The following CARS1 variants were observed in gnomAD, a reference collection of about 807,000 sequenced individuals.
CARS1 encodes the protein cysteinyl-tRNA synthetase 1, also known as cysteine--tRNA ligase, cytoplasmic.
In CARS1, 48 loss-of-function variants were observed where a neutral mutation model predicts 106.2. The ratio of observed to expected loss-of-function variants is 0.45; its 90% CI spans 0.36 to 0.57. The LOEUF (loss-of-function observed/expected upper bound fraction) is 0.57, where lower values mean the gene tolerates loss of function less well. Among genes scored for constraint, CARS1 ranks in the 20% least tolerant of loss-of-function variants. The pLI, the probability that CARS1 is intolerant of heterozygous loss-of-function variation, is 0.00. For missense variants in CARS1, 968 were observed against 1,057.2 expected (o/e 0.92, Z 1.17); for synonymous variants, 409 against 403.4 (o/e 1.01, Z -0.17).
chr11:3,028,958 G>T lies in CARS1; in HGVS notation c.1031+38C>A. 7.1e-7 allele frequency: 1 copy of T among 1,412,662 alleles called. No individual in the cohort carries two copies. Among genetic ancestry groups the T allele is most frequent in the Non-Finnish European group, 1.0e-6 (1 of 997,032 alleles). The allele number at this position is 1,412,662 out of a possible 1,614,324, so 87.5% of individuals were successfully genotyped here. A position where few individuals can be genotyped will look rare whatever the true frequency, so the allele number is the denominator to read the frequency against. On this transcript the variant is annotated intron_variant, in intron 9 of 22. Coordinates refer to ENST00000380525, the MANE Select transcript of CARS1 (RefSeq NM_001014437.3). This position sits in a 1 kb window ranked among gnomAD's most constrained non-coding sequence, Gnocchi z 4.4. ...GGAGCTCCTCCCTGTGCGATGTTCT[G>T]CAGCCCTTCCCTCCCTAGGGAAGGC... is the stretch of plus-strand genomic sequence containing the variant.
Position 3,040,182 on chromosome 11 carries a change from A to G in CARS1, c.456-251T>C, listed in dbSNP as rs1854256138. 2 of 428,838 alleles carry G rather than the reference A, an allele frequency of 4.7e-6. No individual in the cohort carries two copies. The highest frequency in any genetic ancestry group is 8.3e-6 in the Non-Finnish European group (2 of 242,060). 26.6% of individuals were successfully genotyped at this position (428,838 alleles called of 1,614,324 possible). A position where few individuals can be genotyped will look rare whatever the true frequency, so the allele number is the denominator to read the frequency against. On this transcript the variant is annotated intron_variant, in intron 4 of 22. Transcript: ENST00000380525. This position sits in a 1 kb window ranked among gnomAD's most constrained non-coding sequence, Gnocchi z 5.8. Reference sequence around the variant, plus strand: ...CCTCTCCCTTATGATTTTCTTCATAATATTTTCTTTTCTCTGGCTTCCTTT... The same window carrying G: ...CCTCTCCCTTATGATTTTCTTCATAGTATTTTCTTTTCTCTGGCTTCCTTT...
chr11:3,051,830 T>A (rs1267195302), intron 1 of CARS1, among the ~76,000 whole-genome samples: 1 of 152,124 alleles, frequency 6.6e-6, no homozygotes, highest in East Asian at 1.9e-4. Context: ...CAACTGCTCA[T>A]GCCTGGGTTG....
At chr11:3,002,740 T>G in intron 20 of CARS1, 140 bp from the exon 21 acceptor site, 1 of 1,416,786 alleles carries the variant, frequency 7.1e-7, no homozygotes, top group Non-Finnish European at 9.5e-7. Flanking sequence ...CTCCCCACTG[T>G]GGGGAGACAA....
At chr11:3,055,461 T>C (rs1425146641) in intron 1 of CARS1, among the ~76,000 whole-genome samples, 2 of 152,244 alleles carry the variant, frequency 1.3e-5, no homozygotes, top group Non-Finnish European at 2.9e-5. Context: ...TTTTATTTCC[T>C]GTTCTCATCT....
rs534736126 is a variant in CARS1, at chr11:3,036,570, G to A, written c.801+1480C>T. Among the ~76,000 whole-genome samples, 8 of 152,338 alleles carry A rather than the reference G, an allele frequency of 5.3e-5. No individual in the cohort carries two copies. In the South Asian group the frequency reaches 1.7e-3, roughly 32 times the overall value. On this transcript the variant is annotated intron_variant, in intron 7 of 22. Coordinates refer to ENST00000380525, the MANE Select transcript of CARS1 (RefSeq NM_001014437.3). ...GAGAAAACAGAACCCCATGCACTAT[G>A]GGTGGGAATGTGTAATAGTGCAGCC...
Position 3,005,276 on chromosome 11 carries a change from T to C in CARS1, c.2217+90A>G. On this transcript the variant is annotated intron_variant, in intron 20 of 22. Transcript: ENST00000380525. ...TGGGATTTTAATAAAAGTGTAAACA[T>C]CAATGCTTAAAAAGTAAACTATGTA... 4.2e-6 allele frequency: 4 copies of C among 952,684 alleles called. No homozygotes were observed. In the South Asian group the frequency reaches 5.9e-5, roughly 14 times the overall value. 59.0% of individuals were successfully genotyped at this position (952,684 alleles called of 1,614,324 possible). A position where few individuals can be genotyped will look rare whatever the true frequency, so the allele number is the denominator to read the frequency against.
chr11:3,048,783 G>C lies in CARS1; in HGVS notation c.26-782C>G, dbSNP rs1855369279. ...CAAAGGACCAGCCCAAGAAAGCACA[G>C]GGCTGCCAGGAAAATGTGGCTGCTC... is the stretch of plus-strand genomic sequence containing the variant. On this transcript the variant is annotated intron_variant, in intron 1 of 22. Transcript: ENST00000380525. This position sits in a 1 kb window ranked among gnomAD's most constrained non-coding sequence, Gnocchi z 5.1. Among the ~76,000 whole-genome samples, 1 of 152,214 alleles carries C rather than the reference G, an allele frequency of 6.6e-6. No homozygotes were observed. The highest frequency in any genetic ancestry group is 2.4e-5 in the African/African-American group (1 of 41,448).
Position 3,000,961 on chromosome 11 carries a change from C to CA in CARS1, c.*152dup. 1.2e-6 allele frequency: 1 copy of CA among 811,698 alleles called. No individual in the cohort carries two copies. Among genetic ancestry groups the CA allele is most frequent in the South Asian group, 1.7e-5 (1 of 60,020 alleles). The allele number at this position is 811,698 out of a possible 1,614,324, so 50.3% of individuals were successfully genotyped here. A position where few individuals can be genotyped will look rare whatever the true frequency, so the allele number is the denominator to read the frequency against. ...TGAGAAAAATTTATTATCAATGTCTCAGAGCCAACGACGACACGAACCTAC... is the reference window on the plus strand; with the variant it reads ...TGAGAAAAATTTATTATCAATGTCTCAAGAGCCAACGACGACACGAACCTAC... On this transcript the variant is annotated 3_prime_UTR_variant, in exon 23 of 23. Coordinates refer to ENST00000380525, the MANE Select transcript of CARS1 (RefSeq NM_001014437.3). This position sits in a 1 kb window ranked among gnomAD's most constrained non-coding sequence, Gnocchi z 7.1.
In CARS1 at chr11:3,022,794, C is replaced by A. The variant is rs145322941; in HGVS notation, c.1154-2462G>T. 6.6e-6 allele frequency among the ~76,000 whole-genome samples: 1 copy of A among 152,106 alleles called. No individual in the cohort carries two copies. The highest frequency in any genetic ancestry group is 2.4e-5 in the African/African-American group (1 of 41,416). On this transcript the variant is annotated intron_variant, in intron 10 of 22. Transcript: ENST00000380525. This position sits in a 1 kb window ranked among gnomAD's most constrained non-coding sequence, Gnocchi z 4.9. ...GCCTCTGGTGGGTCATCTTACTTGG[C>A]GGAGTGAGGAGCTGTCATCATCTAG...
Position 3,002,034 on chromosome 11 carries a change from A to G in CARS1, c.2297T>C (p.Met766Thr). 6.2e-7 allele frequency: 1 copy of G among 1,613,654 alleles called. No individual in the cohort carries two copies. Among genetic ancestry groups the G allele is most frequent in the Non-Finnish European group, 8.5e-7 (1 of 1,179,720 alleles). ...QEQEAAKLAK[M>T]KIPPSEMFLS... ...GAACATCTCACTGGGGGGAATCTTC[A>G]TCTTGGCCAGCTTTGCTGCCTAGAA... is the stretch of plus-strand genomic sequence containing the variant. The change falls in exon 22 of 23, where the codon ATG becomes ACG. Residue 766 changes from methionine to threonine, a missense_variant. Met to Thr is a moderately conservative substitution (Grantham distance 81). Transcript: ENST00000380525.
intron 9 of CARS1, chr11:3,027,730 T>C (rs1163417345): frequency 2.4e-6 from 1 of 421,818 alleles, no homozygotes; most frequent in Admixed American, 2.5e-5. Flanking sequence ...CCTCCTGTTA[T>C]GCCCGGACAC....
rs1473538129 is a variant in CARS1 at position 3,041,586 on chromosome 11, ACC to A, written c.366+577_366+578del. ...CAAGGAAGGCCATGAACTCCCTCAC[ACC>A]TGACTCTCTGTCTGCCAAACATGCT... On this transcript the variant is annotated intron_variant, in intron 3 of 22. Transcript: ENST00000380525. The surrounding 1 kb of genome is among the most constrained non-coding windows in gnomAD (Gnocchi z 4.9). 3.3e-5 allele frequency among the ~76,000 whole-genome samples: 5 copies of A among 152,020 alleles called. No individual in the cohort carries two copies. The highest frequency in any genetic ancestry group is 1.2e-4 in the African/African-American group (5 of 41,372).
chr11:3,050,241 C>CG lies in CARS1; in HGVS notation c.26-2241dup, dbSNP rs1309848681. 2.6e-5 allele frequency among the ~76,000 whole-genome samples: 4 copies of CG among 152,080 alleles called. No individual in the cohort carries two copies. In the East Asian group the frequency reaches 7.7e-4, roughly 29 times the overall value. ...GGGATGACTCTCGCTGGTGGGATGA[C>CG]GAGTGCAGCGTCCCTCTAACTTGCC... On this transcript the variant is annotated intron_variant, in intron 1 of 22. Transcript: ENST00000380525. The surrounding 1 kb of genome is among the most constrained non-coding windows in gnomAD (Gnocchi z 6.3).
chr11:3,005,664 G>C (rs995610025), intron 19 of CARS1, among the ~76,000 whole-genome samples: 1 of 134,906 alleles, frequency 7.4e-6, no homozygotes, highest in Non-Finnish European at 1.5e-5. Flanking sequence ...ACAGAGTCTT[G>C]CTCTGTCATC....
intron 1 of CARS1, among the ~76,000 whole-genome samples, chr11:3,049,728 T>C (rs2134303052): frequency 6.6e-6 from 1 of 152,328 alleles, no homozygotes; most frequent in South Asian, 2.1e-4. Context: ...ATCACAGCCA[T>C]GGGGCGTGGA....
intron 1 of CARS1, chr11:3,055,113 T>G (rs903808960): frequency 3.3e-6 from 2 of 600,938 alleles, no homozygotes; most frequent in African/African-American, 3.7e-5. Flanking sequence ...ACAAAAATGA[T>G]GGCCTCCTTG....
chr11:3,049,382 A>T (rs1048696816), intron 1 of CARS1, among the ~76,000 whole-genome samples: 1 of 152,214 alleles, frequency 6.6e-6, no homozygotes, highest in Non-Finnish European at 1.5e-5. Context: ...CTGTCTCACC[A>T]TTCTAAGGAA....
At chr11:3,014,303 A>G (rs1850778764) in intron 17 of CARS1, among the ~76,000 whole-genome samples, 1 of 152,246 alleles carries the variant, frequency 6.6e-6, no homozygotes, top group African/African-American at 2.4e-5. Context: ...AGATGGAGGA[A>G]CTGCCTCCCT....
chr11:3,026,705 C>T lies in CARS1; in HGVS notation c.1124G>A (p.Gly375Glu), dbSNP rs770417524. The T allele has an allele frequency of 6.2e-7, 1 of 1,614,068 alleles. No individual in the cohort carries two copies. Among genetic ancestry groups the T allele is most frequent in the South Asian group, 1.1e-5 (1 of 91,044 alleles). ...SYGKLVPEAV[G>E]DQKALQEGEG... ...CCCTTCTTGAAGGGCTTTCTGATCT[C>T]CAACGGCCTCAGGCACCAGCTTCCC... Residue 375 changes from glycine (G) to glutamate (E), a missense_variant, in exon 10 of 23, where the codon GGA becomes GAA. Coordinates refer to ENST00000380525, the MANE Select transcript of CARS1 (RefSeq NM_001014437.3).
Sources: allele counts gnomAD v4.1 joint callset (sites outside exome capture counted in the v4.1 genomes callset), GRCh38; gene constraint gnomAD v4.1.1; non-coding constraint Gnocchi (gnomAD v3.1); transcripts MANE v1.5; gene names NCBI Gene and HGNC (gene_info 2026-07-23, HGNC 2026-07-21).